CDADC1: variants seen among roughly 807,000 people sequenced by gnomAD.
CDADC1 encodes cytidine and dCMP deaminase domain containing 1, also known as dCTP deaminase.
Under a neutral mutation model 54.9 loss-of-function variants are expected in CDADC1, and 39 were observed. The observed-to-expected ratio is 0.71, with a 90% CI of 0.55 to 0.93. CDADC1 has a LOEUF of 0.93. Ranked by LOEUF, CDADC1 falls within the 40% of genes least tolerant of loss-of-function variation. CDADC1 has a pLI of 0.00. For synonymous variants in CDADC1, 186 were observed against 204.0 expected (o/e 0.91, Z 0.75); for missense variants, 518 against 618.8 (o/e 0.84, Z 1.73).
intron 8 of CDADC1, among the ~76,000 whole-genome samples, chr13:49,283,814 T>G (rs1308384300): frequency 1.3e-5 from 2 of 152,214 alleles, no homozygotes; most frequent in African/African-American, 4.8e-5. Flanking sequence ...CTACCTCCAG[T>G]GAAGATGAGC....
intron 5 of CDADC1, among the ~76,000 whole-genome samples, chr13:49,269,233 C>A (rs1420556562): frequency 6.6e-6 from 1 of 150,948 alleles, no homozygotes; most frequent in Non-Finnish European, 1.5e-5. Flanking sequence ...AATAGAATCG[C>A]CATTGAAACT....
At chr13:49,259,261 A>G (rs1248822932) in intron 3 of CDADC1, 85 bp from the exon 4 acceptor site, 6 of 970,348 alleles carry the variant, frequency 6.2e-6, no homozygotes, top group Non-Finnish European at 8.9e-6. Flanking sequence ...CAAAACTTCC[A>G]TTTTTATTAA....
At chr13:49,268,474 A>G (rs1196856699) in intron 5 of CDADC1, among the ~76,000 whole-genome samples, 1 of 152,112 alleles carries the variant, frequency 6.6e-6, no homozygotes, top group Non-Finnish European at 1.5e-5. Context: ...CAGCGTGGGC[A>G]ACATAGCAAG....
Position 49,292,149 on chromosome 13 carries a change from A to G in CDADC1, c.*392A>G, listed in dbSNP as rs1953724101. On this transcript the variant is annotated 3_prime_UTR_variant, in exon 10 of 10. Transcript: ENST00000251108. ...AATATTAATTCTTTTGAATTACAAG[A>G]GTGACAGTTAGTAAACTGCTCCAGG... The G allele has an allele frequency of 9.9e-7, 1 of 1,010,730 alleles. No homozygotes were observed. Among genetic ancestry groups the G allele is most frequent in the Non-Finnish European group, 1.2e-6 (1 of 843,966 alleles). The allele number at this position is 1,010,730 out of a possible 1,614,324, so 62.6% of individuals were successfully genotyped here. A position where few individuals can be genotyped will look rare whatever the true frequency, so the allele number is the denominator to read the frequency against.
intron 6 of CDADC1, among the ~76,000 whole-genome samples, chr13:49,275,708 TATATATATATATATATATAGAGAGAGAG>T (rs1566369744): frequency 1.0e-5 from 1 of 99,298 alleles, no homozygotes; most frequent in Admixed American, 1.2e-4. Context: ...TATATATATA[TATATATATATATATATATAGAGAGAGAG>T]AGAGAGAGAG....
chr13:49,275,756 G>T (rs1953111529), intron 6 of CDADC1, among the ~76,000 whole-genome samples: 8 of 90,322 alleles, frequency 8.9e-5, no homozygotes, highest in Middle Eastern at 5.2e-3. Flanking sequence ...GAGAGAGAGA[G>T]AGAGAGAGAG....
At chr13:49,270,083 C>T (rs2138227171) in intron 5 of CDADC1, among the ~76,000 whole-genome samples, 1 of 152,232 alleles carries the variant, frequency 6.6e-6, no homozygotes, top group East Asian at 1.9e-4. Context: ...GAAACCATGT[C>T]TTAATCATTT....
At chr13:49,277,378 G>A (rs539213668) in intron 6 of CDADC1, among the ~76,000 whole-genome samples, 1 of 152,102 alleles carries the variant, frequency 6.6e-6, no homozygotes, top group Non-Finnish European at 1.5e-5. Flanking sequence ...GGCTGAGATG[G>A]GAGGATGACT....
Position 49,285,021 on chromosome 13 carries a change from A to G in CDADC1, c.1411-1201A>G, listed in dbSNP as rs74074520. On this transcript the variant is annotated intron_variant, in intron 8 of 9. Coordinates refer to ENST00000251108, the MANE Select transcript of CDADC1 (RefSeq NM_030911.4). ...TATCTGTGAATCTTCAGGCTTCCCT[A>G]TTTATTCCTGAATGGTTGAGATGAA... is the stretch of plus-strand genomic sequence containing the variant. 7.8e-3 allele frequency among the ~76,000 whole-genome samples: 1,191 copies of G among 152,274 alleles called. 20 individuals carry two copies. The highest frequency in any genetic ancestry group is 0.027 in the African/African-American group (1,126 of 41,554).
intron 8 of CDADC1, among the ~76,000 whole-genome samples, chr13:49,284,678 C>T (rs892698843): frequency 2.3e-4 from 35 of 152,178 alleles, no homozygotes; most frequent in African/African-American, 8.2e-4. Context: ...CCATCCCATT[C>T]GTTTAAATAA....
Position 49,280,543 on chromosome 13 carries a change from AT to A in CDADC1, c.1260del (p.Phe420LeufsTer2). ...QEIKPEERSM[I>X]FVTKCPCDEC... ...AATAAAACCAGAAGAAAGAAGCATG[AT>A]TTTTGTGACAAAGTGCCCATGTGAT... On this transcript the variant is annotated frameshift_variant, in exon 8 of 10. Transcript: ENST00000251108. LOFTEE classifies it high-confidence loss of function. 3.4e-6 allele frequency: 5 copies of A among 1,456,678 alleles called. No homozygotes were observed. The highest frequency in any genetic ancestry group is 3.2e-5 in the South Asian group (2 of 63,024). 90.2% of individuals were successfully genotyped at this position (1,456,678 alleles called of 1,614,324 possible). A position where few individuals can be genotyped will look rare whatever the true frequency, so the allele number is the denominator to read the frequency against.
At chr13:49,248,242 C>T in intron 1 of CDADC1, 123 bp downstream of exon 1, 1 of 833,402 alleles carries the variant, frequency 1.2e-6, no homozygotes, top group Admixed American at 2.4e-5. Context: ...TTGGATGTCT[C>T]CTGCCCGCCC....
rs1953760255 is a variant in CDADC1 at position 49,293,228 on chromosome 13, C to T, written c.*1471C>T. 6.6e-6 allele frequency: 1 copy of T among 152,302 alleles called. No homozygotes were observed. Among genetic ancestry groups the T allele is most frequent in the Admixed American group, 6.5e-5 (1 of 15,284 alleles). The allele number at this position is 152,302 out of a possible 1,614,324, so 9.4% of individuals were successfully genotyped here. The stretch of plus-strand genomic sequence containing the variant: ...GATTTGTTGTTTCTAACTAACATGT[C>T]ATGTACACCAAACATTTTATAAATC... On this transcript the variant is annotated 3_prime_UTR_variant, in exon 10 of 10. Transcript: ENST00000251108.
At chr13:49,278,991 T>C (rs1953233764) in intron 7 of CDADC1, among the ~76,000 whole-genome samples, 1 of 152,204 alleles carries the variant, frequency 6.6e-6, no homozygotes, top group African/African-American at 2.4e-5. Context: ...CATCACACGT[T>C]ACCTTTTTTA....
At chr13:49,264,892 C>T (rs192017503) in intron 4 of CDADC1, among the ~76,000 whole-genome samples, 4 of 152,120 alleles carry the variant, frequency 2.6e-5, no homozygotes, top group Admixed American at 2.6e-4. Flanking sequence ...CATTATTTCC[C>T]CCATTTTACA....
chr13:49,270,243 G>A (rs1477665367), intron 5 of CDADC1, among the ~76,000 whole-genome samples: 1 of 151,932 alleles, frequency 6.6e-6, no homozygotes, highest in African/African-American at 2.4e-5. Context: ...TTTTTTTTGA[G>A]ACAGGGTTTT....
At chr13:49,266,040 A>G (rs1952807451) in intron 4 of CDADC1, 3 of 896,912 alleles carry the variant, frequency 3.3e-6, no homozygotes, top group South Asian at 3.1e-5. Context: ...AGCATAAGCC[A>G]CAGTGAGTCA....
intron 3 of CDADC1, among the ~76,000 whole-genome samples, chr13:49,257,055 C>T (rs907692527): frequency 3.3e-5 from 5 of 152,140 alleles, no homozygotes; most frequent in African/African-American, 1.2e-4. Flanking sequence ...AAGATTCAGT[C>T]CTCTGGGAGT....
In CDADC1 at chr13:49,267,834, G is replaced by A. The variant is rs552500822; in HGVS notation, c.775G>A (p.Gly259Ser). The A allele has an allele frequency of 1.4e-5, 22 of 1,613,846 alleles. No homozygotes were observed. The African/African-American group carries it at 2.5e-4, about 19-fold the overall frequency. Residue 259 changes from glycine (G) to serine (S), a missense_variant, in exon 5 of 10, where the codon GGT (glycine) becomes AGT (serine). Gly to Ser is a moderately conservative substitution (Grantham distance 56). Coordinates refer to ENST00000251108, the MANE Select transcript of CDADC1 (RefSeq NM_030911.4). ...GCATAAGCAAATACTGATGACTATAGGTTTGGAGAACCTGTGTGAAAATCC... is the reference window on the plus strand; with the variant it reads ...GCATAAGCAAATACTGATGACTATAAGTTTGGAGAACCTGTGTGAAAATCC... Reference protein sequence around the residue: ...EMHKQILMTIGLENLCENPYF... With the variant: ...EMHKQILMTISLENLCENPYF...
Sources: allele counts gnomAD v4.1 joint callset (sites outside exome capture counted in the v4.1 genomes callset), GRCh38; gene constraint gnomAD v4.1.1; transcripts MANE v1.5; gene names NCBI Gene and HGNC (gene_info 2026-07-23, HGNC 2026-07-21).